The following PXDNL variants were observed in gnomAD, a reference collection of about 807,000 sequenced individuals.
The protein encoded by PXDNL is peroxidasin like, also known as probable oxidoreductase PXDNL.
Under a neutral mutation model 150.8 loss-of-function variants are expected in PXDNL, and 145 were observed. That is an observed-to-expected ratio of 0.96 (90% CI 0.84 to 1.10). PXDNL has a LOEUF of 1.10. Ranked by LOEUF, PXDNL falls within the 50% of genes least tolerant of loss-of-function variation. PXDNL has a pLI of 0.00. For missense variants in PXDNL, 2,087 were observed against 1,873.9 expected, an observed-to-expected ratio of 1.11 and a Z score of -2.10; for synonymous variants, 757 against 725.7, an observed-to-expected ratio of 1.04 and a Z score of -0.69.
intron 14 of PXDNL, among the ~76,000 whole-genome samples, chr8:51,417,573 T>A (rs1268214185): frequency 8.5e-5 from 13 of 152,300 alleles, no homozygotes; most frequent in Non-Finnish European, 8.8e-5. Context: ...AGGCTGAGAT[T>A]TTTTCACAAT....
chr8:51,685,146 C>CCCTT (rs1457425043), intron 1 of PXDNL, among the ~76,000 whole-genome samples: 2 of 152,206 alleles, frequency 1.3e-5, no homozygotes, highest in Middle Eastern at 3.2e-3. Flanking sequence ...TTATTCTCTT[C>CCCTT]CCTTCCTATT....
At chr8:51,382,191 C>G (rs1190723650) in intron 17 of PXDNL, among the ~76,000 whole-genome samples, 1 of 152,130 alleles carries the variant, frequency 6.6e-6, no homozygotes, top group Non-Finnish European at 1.5e-5. Context: ...AGTGAGAATG[C>G]TGTCCTACAG....
chr8:51,394,055 G>A (rs1394031299), intron 17 of PXDNL, among the ~76,000 whole-genome samples: 4 of 152,146 alleles, frequency 2.6e-5, no homozygotes, highest in Non-Finnish European at 5.9e-5. Flanking sequence ...TGACAACTCC[G>A]TGTCCTTGGG....
intron 1 of PXDNL, among the ~76,000 whole-genome samples, chr8:51,759,986 A>G (rs1585728707): frequency 6.6e-6 from 1 of 152,316 alleles, no homozygotes; most frequent in African/African-American, 2.4e-5. Flanking sequence ...TAACTTCTCT[A>G]TCAGTTCTGA....
At chr8:51,769,768 A>T (rs2037271844) in intron 1 of PXDNL, among the ~76,000 whole-genome samples, 1 of 152,228 alleles carries the variant, frequency 6.6e-6, no homozygotes, top group African/African-American at 2.4e-5. Context: ...TCATGTAGCT[A>T]AACAATATAT....
chr8:51,743,963 GA>G (rs2036936886), intron 1 of PXDNL, among the ~76,000 whole-genome samples: 22 of 4,446 alleles, frequency 4.9e-3, no homozygotes, highest in African/African-American at 0.011. Context: ...AAAGAAAAAA[GA>G]GAGAGAAAAA....
chr8:51,620,614 G>C (rs938807193), intron 2 of PXDNL, among the ~76,000 whole-genome samples: 2 of 151,904 alleles, frequency 1.3e-5, no homozygotes, highest in African/African-American at 4.8e-5. Flanking sequence ...CACGATCTCG[G>C]CTCACTGCAA....
At chr8:51,378,905 A>G (rs895797421) in intron 17 of PXDNL, among the ~76,000 whole-genome samples, 1 of 152,182 alleles carries the variant, frequency 6.6e-6, no homozygotes, top group African/African-American at 2.4e-5. Flanking sequence ...AAGAACTGTA[A>G]CACTCACGGC....
chr8:51,709,295 C>T (rs1016913034), intron 1 of PXDNL, among the ~76,000 whole-genome samples: 2 of 151,728 alleles, frequency 1.3e-5, no homozygotes, highest in Non-Finnish European at 2.9e-5. Context: ...CACTCTGTTG[C>T]CCAGGCTGGA....
chr8:51,351,703 T>G (rs553689178), intron 19 of PXDNL, among the ~76,000 whole-genome samples: 7 of 152,300 alleles, frequency 4.6e-5, no homozygotes, highest in South Asian at 4.1e-4. Flanking sequence ...CTCATGAGGC[T>G]CCAATCTGTT....
intron 19 of PXDNL, among the ~76,000 whole-genome samples, chr8:51,350,230 G>T (rs1208724140): frequency 6.6e-6 from 1 of 152,102 alleles, no homozygotes; most frequent in African/African-American, 2.4e-5. Flanking sequence ...TTGTACAGAG[G>T]CTTGAGGAGG....
chr8:51,461,519 A>C (rs1379913721), intron 8 of PXDNL, among the ~76,000 whole-genome samples: 2 of 151,924 alleles, frequency 1.3e-5, no homozygotes, highest in Non-Finnish European at 2.9e-5. Flanking sequence ...TGGGCAAAAA[A>C]CCCAAGCCGT....
chr8:51,349,984 T>C (rs908320809), intron 19 of PXDNL, among the ~76,000 whole-genome samples: 11 of 152,142 alleles, frequency 7.2e-5, no homozygotes, highest in Non-Finnish European at 1.3e-4. Flanking sequence ...TGAGGGACAC[T>C]TTGAGAATGA....
intron 1 of PXDNL, among the ~76,000 whole-genome samples, chr8:51,785,955 T>C (rs2037456940): frequency 6.6e-6 from 1 of 152,164 alleles, no homozygotes; most frequent in African/African-American, 2.4e-5. Flanking sequence ...CTCTTCAATT[T>C]TGTGAAGACT....
chr8:51,604,630 C>T (rs188236902), intron 2 of PXDNL, among the ~76,000 whole-genome samples: 116 of 152,186 alleles, frequency 7.6e-4, no homozygotes, highest in African/African-American at 2.6e-3. Context: ...GCACATGTAC[C>T]CTAAAACTTA....
chr8:51,637,500 C>T (rs1250610988), intron 2 of PXDNL, among the ~76,000 whole-genome samples: 1 of 152,074 alleles, frequency 6.6e-6, no homozygotes, highest in Admixed American at 6.6e-5. Context: ...GTAGAGAAGT[C>T]CTTAAATGAC....
intron 3 of PXDNL, among the ~76,000 whole-genome samples, chr8:51,573,574 A>G (rs944382301): frequency 5.9e-5 from 9 of 151,998 alleles, no homozygotes; most frequent in African/African-American, 1.7e-4. Context: ...CGCACTCCCA[A>G]CTCCAACTAG....
chr8:51,367,431 T>C (rs756163997), intron 19 of PXDNL, among the ~76,000 whole-genome samples: 2 of 152,220 alleles, frequency 1.3e-5, no homozygotes, highest in Non-Finnish European at 2.9e-5. Context: ...ATATTACCAA[T>C]TGCTGGTGGG....
intron 1 of PXDNL, among the ~76,000 whole-genome samples, chr8:51,711,322 G>C (rs1338071363): frequency 6.6e-6 from 1 of 152,072 alleles, no homozygotes. Context: ...ATTTTCAGTA[G>C]AGATAGGGTT....
Sources: allele counts gnomAD v4.1 joint callset (sites outside exome capture counted in the v4.1 genomes callset), GRCh38; gene constraint gnomAD v4.1.1; transcripts MANE v1.5; gene names NCBI Gene and HGNC (gene_info 2026-07-23, HGNC 2026-07-21).